SYMPK: variants seen among roughly 807,000 people sequenced by gnomAD.
SYMPK encodes the protein symplekin scaffold protein, also known as symplekin.
SYMPK carries 49 observed loss-of-function variants against 136.4 expected under a neutral mutation model. That is an observed-to-expected ratio of 0.36 (90% CI 0.29 to 0.46). SYMPK has a LOEUF of 0.46. Among genes scored for constraint, SYMPK ranks in the 20% least tolerant of loss-of-function variants. The probability of loss-of-function intolerance (pLI) is 1.00; values close to 1 mark genes in which losing one functional copy is unlikely to be tolerated. For synonymous variants in SYMPK, 766 were observed against 713.0 expected (o/e 1.07, Z -1.19); for missense variants, 1,365 against 1,690.0 (o/e 0.81, Z 3.37).
chr19:45,853,326 G>A (rs1971739455), intron 3 of SYMPK, among the ~76,000 whole-genome samples: 1 of 152,178 alleles, frequency 6.6e-6, no homozygotes, highest in Admixed American at 6.5e-5. Flanking sequence ...ACACTTCTGT[G>A]CCCTCAGCTT....
intron 21 of SYMPK, 86 bp downstream of exon 21, chr19:45,822,670 C>T: frequency 1.7e-6 from 2 of 1,148,802 alleles, no homozygotes; most frequent in Non-Finnish European, 2.6e-6. Context: ...GCCCTCTCTC[C>T]CTGAGGGGGG....
In SYMPK at chr19:45,854,405, T is replaced by C. The variant is rs1446791211; in HGVS notation, c.91A>G (p.Thr31Ala). ...QEEGPGIDGM[T>A]TSERVVDLLN... Reference sequence around the variant, plus strand: ...GCCACGCTCACCCTCTCTGAGGTGGTCATGCCATCGATGCCCGGCCCCTCC... The same window carrying C: ...GCCACGCTCACCCTCTCTGAGGTGGCCATGCCATCGATGCCCGGCCCCTCC... The change falls in exon 2 of 27, where the codon ACC becomes GCC. Residue 31 changes from threonine (T) to alanine (A), a missense_variant. This residue lies in a region of SYMPK where 61 missense variants were observed against 80.7 expected (regional missense o/e 0.76). Coordinates refer to ENST00000245934, the MANE Select transcript of SYMPK (RefSeq NM_004819.3). 6.2e-7 allele frequency: 1 copy of C among 1,613,948 alleles called. No homozygotes were observed. Among genetic ancestry groups the C allele is most frequent in the Non-Finnish European group, 8.5e-7 (1 of 1,179,960 alleles).
Position 45,848,890 on chromosome 19 carries a change from A to G in SYMPK, c.300-14T>C, listed in dbSNP as rs747200855. ...ATGTCTCGCTTGCTGAGGGATGGAG[A>G]AAAAAGGGGCGAGGTCAAGGTGTGG... is the stretch of plus-strand genomic sequence containing the variant. On this transcript the variant is annotated splice_polypyrimidine_tract_variant and intron_variant, in intron 5 of 26. Coordinates refer to ENST00000245934, the MANE Select transcript of SYMPK (RefSeq NM_004819.3). 2 of 1,613,468 alleles carry G rather than the reference A, an allele frequency of 1.2e-6. No individual in the cohort carries two copies. Among genetic ancestry groups the G allele is most frequent in the South Asian group, 1.1e-5 (1 of 91,050 alleles).
In SYMPK at chr19:45,838,400, G is replaced by GA. The variant is rs1826595727; in HGVS notation, c.1242+60dup. On this transcript the variant is annotated intron_variant, in intron 10 of 26. Transcript: ENST00000245934. ...TGGATGGTGTGAAGTGGAGGCAGGTGAAAGACCGAGGAGATCCTTCCTTCC... is the reference window on the plus strand; with the variant it reads ...TGGATGGTGTGAAGTGGAGGCAGGTGAAAAGACCGAGGAGATCCTTCCTTCC... 25 of 1,553,816 alleles carry GA rather than the reference G, an allele frequency of 1.6e-5. No individual in the cohort carries two copies. In the Admixed American group the frequency reaches 4.4e-4, roughly 27 times the overall value.
chr19:45,827,402 A>C, intron 16 of SYMPK, 108 bp downstream of exon 16: 1 of 739,318 alleles, frequency 1.4e-6, no homozygotes, highest in Middle Eastern at 2.8e-4. Flanking sequence ...GAATGGGCCC[A>C]GAGAAACTTG....
Position 45,848,837 on chromosome 19 carries a change from G to A in SYMPK, c.339C>T (p.Asn113=), listed in dbSNP as rs1376578954. ...TCTCGTCCCTCAAGAGCATGTTGAGGTTTGCAATGAGTTTCAGCAGCAACT... is the reference window on the plus strand; with the variant it reads ...TCTCGTCCCTCAAGAGCATGTTGAGATTTGCAATGAGTTTCAGCAGCAACT... ...DIELLLKLIA[N]LNMLLRDENV... is the part of the protein sequence containing the mutation. The change falls in exon 6 of 27, where the codon AAC becomes AAT. Residue 113 remains asparagine, a synonymous_variant. Transcript: ENST00000245934. 1 of 1,613,966 alleles carries A rather than the reference G, an allele frequency of 6.2e-7. No homozygotes were observed.
chr19:45,842,628 T>C (rs16980051), intron 8 of SYMPK, 139 bp from the exon 9 acceptor site: 586,813 of 1,199,404 alleles, frequency 0.49, 145,817 homozygotes, highest in Non-Finnish European at 0.51. Flanking sequence ...ATCTAACGTG[T>C]GGCTTTCCGC....
At chr19:45,817,417 C>CTT (rs559430104) in intron 23 of SYMPK, among the ~76,000 whole-genome samples, 2,425 of 108,252 alleles carry the variant, frequency 0.022, 182 homozygotes, top group Non-Finnish European at 0.034. Context: ...TTTTTGTTCT[C>CTT]TTTTTTTTTT....
chr19:45,831,769 C>T (rs564659107), intron 11 of SYMPK, among the ~76,000 whole-genome samples, 181 bp from the exon 12 acceptor site: 1 of 152,308 alleles, frequency 6.6e-6, no homozygotes, highest in African/African-American at 2.4e-5. Flanking sequence ...AACTGAGGCT[C>T]AAACTAGAAA....
At position 45,848,799 on chromosome 19, in the gene SYMPK, A is replaced by C; in HGVS notation, c.377T>G (p.Val126Gly). ...MLLRDENVNV[V>G]KKAILTMTQL... ...GGTCATGGTGAGGATAGCCTTCTTC[A>C]CCACGTTCACATTCTCGTCCCTCAA... Residue 126 changes from valine to glycine, a missense_variant, in exon 6 of 27, where the codon GTG becomes GGG. By Grantham distance (109) the Val-to-Gly change is moderately radical (BLOSUM62 -3). Around this residue, in one of 11 missense-constraint regions of SYMPK, gnomAD observed 237 missense variants for 292.9 expected, o/e 0.81. Transcript: ENST00000245934. 1 of 1,613,992 alleles carries C rather than the reference A, an allele frequency of 6.2e-7. No homozygotes were observed. Among genetic ancestry groups the C allele is most frequent in the Non-Finnish European group, 8.5e-7 (1 of 1,180,036 alleles).
chr19:45,829,941 T>G, intron 13 of SYMPK, 113 bp downstream of exon 13: 3 of 1,254,894 alleles, frequency 2.4e-6, no homozygotes, highest in Non-Finnish European at 3.3e-6. Flanking sequence ...GCAGCAGAGC[T>G]GGGGTCCGCA....
intron 3 of SYMPK, among the ~76,000 whole-genome samples, chr19:45,852,856 G>A (rs1293830770): frequency 2.6e-5 from 4 of 152,172 alleles, no homozygotes; most frequent in African/African-American, 9.7e-5. Context: ...AAAGAGGAAA[G>A]TGCCCCAAGG....
chr19:45,857,971 G>T (rs1196749372), intron 1 of SYMPK, among the ~76,000 whole-genome samples: 1 of 151,534 alleles, frequency 6.6e-6, no homozygotes, highest in Admixed American at 6.6e-5. Flanking sequence ...GCTAATTTTT[G>T]TATTTTTAGT....
At chr19:45,829,241 T>G (rs1600502975) in intron 13 of SYMPK, 36 bp from the exon 14 acceptor site, 2 of 1,586,928 alleles carry the variant, frequency 1.3e-6, no homozygotes, top group Non-Finnish European at 1.7e-6. Context: ...CAGTGTAGGG[T>G]GGGCAATCCA....
chr19:45,816,049 T>C lies in SYMPK; in HGVS notation c.3489A>G (p.Gly1163=), dbSNP rs1970726752. ...GGGAGGAAGAGGAGGGGGCTCCCAC[T>C]CCTCCCGGCTTCAGCTTCTGTTCCT... The part of the protein sequence containing the change: ...LEEEQKLKPG[G]VGAPSSSSPS... Residue 1163 remains glycine, a synonymous_variant, in exon 26 of 27, where the codon GGA becomes GGG. Coordinates refer to ENST00000245934, the MANE Select transcript of SYMPK (RefSeq NM_004819.3). 1.3e-6 allele frequency: 2 copies of C among 1,568,128 alleles called. No individual in the cohort carries two copies. The highest frequency in any genetic ancestry group is 1.2e-5 in the South Asian group (1 of 85,930).
At chr19:45,839,429 G>A (rs1365416995) in intron 9 of SYMPK, among the ~76,000 whole-genome samples, 2 of 152,222 alleles carry the variant, frequency 1.3e-5, no homozygotes, top group Non-Finnish European at 2.9e-5. Context: ...CTGATAGTAA[G>A]TGGGAAGAAG....
chr19:45,821,024 G>A lies in SYMPK; in HGVS notation c.2893+360C>T, dbSNP rs1970875948. On this transcript the variant is annotated intron_variant, in intron 22 of 26. Transcript: ENST00000245934. This position sits in a 1 kb window ranked among gnomAD's most constrained non-coding sequence, Gnocchi z 4.4. ...CCTGGAGCCCTGGGTCTGCCCTGCT[G>A]CTGCGCCTCTACCACTCACGGTGTG... 1.7e-6 allele frequency: 1 copy of A among 605,722 alleles called. No homozygotes were observed. The highest frequency in any genetic ancestry group is 2.8e-5 in the East Asian group (1 of 35,852). The allele number at this position is 605,722 out of a possible 1,614,324, so 37.5% of individuals were successfully genotyped here.
intron 11 of SYMPK, 90 bp downstream of exon 11, chr19:45,834,988 T>C: frequency 7.9e-7 from 1 of 1,272,406 alleles, no homozygotes; most frequent in African/African-American, 1.5e-5. Context: ...GATTTTCAAC[T>C]GCACCACGAG....
chr19:45,817,209 C>T (rs1300890460), intron 23 of SYMPK: 2 of 515,658 alleles, frequency 3.9e-6, no homozygotes, highest in Non-Finnish European at 6.8e-6. Context: ...CCGCCTTTTA[C>T]CAGAGCTCCC....
Sources: gnomAD v4.1 joint callset for allele counts (sites outside exome capture counted in the v4.1 genomes callset) on GRCh38, gnomAD v4.1.1 for gene constraint, gnomAD v4.1.1 regional missense constraint, Gnocchi (gnomAD v3.1) non-coding constraint, MANE v1.5 for transcripts, NCBI Gene and HGNC (gene_info 2026-07-23, HGNC 2026-07-21) for gene names.